The following GINS1 variants were observed in gnomAD, a reference collection of about 807,000 sequenced individuals.
GINS1 encodes DNA replication complex GINS protein PSF1.
GINS1 carries 26 observed loss-of-function variants against 34.9 expected under a neutral mutation model. The observed-to-expected ratio is 0.74, with a 90% confidence interval of 0.55 to 1.03. The LOEUF is 1.03. GINS1 is among the 50% of genes least tolerant of loss of function. The probability of loss-of-function intolerance (pLI) is 0.00; values close to 1 mark genes in which losing one functional copy is unlikely to be tolerated. For synonymous variants in GINS1, 97 were observed against 84.4 expected, an observed-to-expected ratio of 1.15 and a Z score of -0.82; for missense variants, 235 against 237.9, an observed-to-expected ratio of 0.99 and a Z score of 0.08.
rs1303769986 is a variant in GINS1 at position 25,447,241 on chromosome 20, T to A, written c.*1250T>A. 1 of 152,182 alleles carries A rather than the reference T, an allele frequency of 6.6e-6. No individual in the cohort carries two copies. The highest frequency in any genetic ancestry group is 2.1e-4 in the South Asian group (1 of 4,830). The allele number at this position is 152,182 out of a possible 1,614,324, so 9.4% of individuals were successfully genotyped here. ...TTTTAGTAGAGACAGAGTTTTACCATGTTGGCCAGGCTGGTTTCAAACTCC... is the reference window on the plus strand; with the variant it reads ...TTTTAGTAGAGACAGAGTTTTACCAAGTTGGCCAGGCTGGTTTCAAACTCC... On this transcript the variant is annotated 3_prime_UTR_variant, in exon 7 of 7. Transcript: ENST00000262460.
In GINS1 at chr20:25,446,098, A is replaced by G. The variant is rs2090511113; in HGVS notation, c.*107A>G. ...CTCTTTGATTTTAGAAGCTATAGAC[A>G]TTGTTTAAGATAACTAAGAATACTT... On this transcript the variant is annotated 3_prime_UTR_variant, in exon 7 of 7. Coordinates refer to ENST00000262460, the MANE Select transcript of GINS1 (RefSeq NM_021067.5). 6.8e-6 allele frequency: 4 copies of G among 584,150 alleles called. No individual in the cohort carries two copies. The Admixed American group carries it at 1.2e-4, about 18-fold the overall frequency. 36.2% of individuals were successfully genotyped at this position (584,150 alleles called of 1,614,324 possible). A position where few individuals can be genotyped will look rare whatever the true frequency, so the allele number is the denominator to read the frequency against.
chr20:25,425,259 T>A lies in GINS1; in HGVS notation c.379T>A (p.Ser127Thr), dbSNP rs770881919. 1 of 1,570,672 alleles carries A rather than the reference T, an allele frequency of 6.4e-7. No homozygotes were observed. Among genetic ancestry groups the A allele is most frequent in the Non-Finnish European group, 8.8e-7 (1 of 1,140,914 alleles). ...AAGATCTCTTGCTACTTATATGAGG[T>A]CACTGGGAGGAGATGAAGGTTTGGA... is the stretch of plus-strand genomic sequence containing the variant. ...YKRSLATYMRSLGGDEGLDIT... is the reference protein window; with the variant it reads ...YKRSLATYMRTLGGDEGLDIT... The change falls in exon 5 of 7, where the codon TCA becomes ACA. Residue 127 changes from serine (S) to threonine (T), a missense_variant. Transcript: ENST00000262460.
In GINS1 at chr20:25,413,029, CATT is replaced by C. The variant is rs745884679; in HGVS notation, c.76-760_76-758del. Among the ~76,000 whole-genome samples, 8 of 151,176 alleles carry C rather than the reference CATT, an allele frequency of 5.3e-5. No homozygotes were observed. In the East Asian group the frequency reaches 5.8e-4, roughly 11 times the overall value. On this transcript the variant is annotated intron_variant, in intron 1 of 6. Transcript: ENST00000262460. Reference sequence around the variant, plus strand: ...AGTATAACGTATTTCAGATTATCCTCATTGTTGTGTATGTTGTCAGTAGTTCAT... The same window carrying C: ...AGTATAACGTATTTCAGATTATCCTCGTTGTGTATGTTGTCAGTAGTTCAT...
At position 25,428,969 on chromosome 20, in the gene GINS1, C is replaced by CTTTTTTTTT. The variant is rs77113924; in HGVS notation, c.447+3671_447+3679dup. On this transcript the variant is annotated intron_variant, in intron 5 of 6. Transcript: ENST00000262460. Reference sequence around the variant, plus strand: ...GGGTCCTCCACCTTCATTCCTCTCTCTTTTTTTTTTTTTTTTTTTTTTTTT... The same window carrying CTTTTTTTTT: ...GGGTCCTCCACCTTCATTCCTCTCTCTTTTTTTTTTTTTTTTTTTTTTTTTTTTTTTTTT... 2.0e-4 allele frequency among the ~76,000 whole-genome samples: 25 copies of CTTTTTTTTT among 127,504 alleles called. 1 individual carries two copies. Among genetic ancestry groups the CTTTTTTTTT allele is most frequent in the East Asian group, 4.2e-4 (1 of 2,408 alleles). The allele number at this position is 127,504 out of a possible 152,430, so 83.6% of individuals were successfully genotyped here.
At chr20:25,438,936 T>G (rs572049272) in intron 5 of GINS1, among the ~76,000 whole-genome samples, 1 of 152,282 alleles carries the variant, frequency 6.6e-6, no homozygotes, top group East Asian at 1.9e-4. Flanking sequence ...GGGATCCAAC[T>G]CATTTGAAAA....
At chr20:25,429,586 C>T (rs914386005) in intron 5 of GINS1, among the ~76,000 whole-genome samples, 2 of 148,164 alleles carry the variant, frequency 1.3e-5, no homozygotes, top group Non-Finnish European at 2.9e-5. Flanking sequence ...CACTGATAAA[C>T]TGAATTATTT....
rs1359347589 is a variant in GINS1, at chr20:25,441,777, G to A, written c.522+1G>A. 7.0e-7 allele frequency: 1 copy of A among 1,437,318 alleles called. No individual in the cohort carries two copies. 89.0% of individuals were successfully genotyped at this position (1,437,318 alleles called of 1,614,324 possible). A position where few individuals can be genotyped will look rare whatever the true frequency, so the allele number is the denominator to read the frequency against. ...AGTCCTATTAAAAAAAAATAGCCAG[G>A]TATTTCTTATCTTCAGATTCTTTAC... On this transcript the variant is annotated splice_donor_variant, in intron 6 of 6. Coordinates refer to ENST00000262460, the MANE Select transcript of GINS1 (RefSeq NM_021067.5). LOFTEE classifies it high-confidence loss of function.
chr20:25,413,798 A>G lies in GINS1; in HGVS notation c.84A>G (p.Gly28=). Residue 28 remains glycine, a synonymous_variant, in exon 2 of 7, where the codon GGA becomes GGG. Coordinates refer to ENST00000262460, the MANE Select transcript of GINS1 (RefSeq NM_021067.5). ...CGGTTTATATGTTCTAGGAGGATGG[A>G]CTCAGACAAGTTCTGGAGGAGATGA... is the stretch of plus-strand genomic sequence containing the variant. The part of the protein sequence containing the change: ...EGQLPAFNED[G]LRQVLEEMKA... The G allele has an allele frequency of 1.3e-6, 2 of 1,575,498 alleles. No individual in the cohort carries two copies. The highest frequency in any genetic ancestry group is 1.7e-6 in the Non-Finnish European group (2 of 1,144,678).
Position 25,446,197 on chromosome 20 carries a change from T to G in GINS1, c.*206T>G, listed in dbSNP as rs2090511590. 2 of 402,644 alleles carry G rather than the reference T, an allele frequency of 5.0e-6. No individual in the cohort carries two copies. 24.9% of individuals were successfully genotyped at this position (402,644 alleles called of 1,614,324 possible). A position where few individuals can be genotyped will look rare whatever the true frequency, so the allele number is the denominator to read the frequency against. Reference sequence around the variant, plus strand: ...GTTGTACACTATTCTTCCTACTCTTTTTTGGTTTTGGTTTTGTTTTGTAGA... The same window carrying G: ...GTTGTACACTATTCTTCCTACTCTTGTTTGGTTTTGGTTTTGTTTTGTAGA... On this transcript the variant is annotated 3_prime_UTR_variant, in exon 7 of 7. Transcript: ENST00000262460.
At position 25,413,245 on chromosome 20, in the gene GINS1, C is replaced by T. The variant is rs150820879; in HGVS notation, c.76-545C>T. The stretch of plus-strand genomic sequence containing the variant: ...TGTATATTTAGGAGAGACGGGGTTT[C>T]ACCATGTTGACCAGGCTGGTTTTGA... On this transcript the variant is annotated intron_variant, in intron 1 of 6. Coordinates refer to ENST00000262460, the MANE Select transcript of GINS1 (RefSeq NM_021067.5). Among the ~76,000 whole-genome samples, 501 of 152,126 alleles carry T rather than the reference C, an allele frequency of 3.3e-3. 3 individuals carry two copies. The highest frequency in any genetic ancestry group is 0.011 in the African/African-American group (468 of 41,504).
In GINS1 at chr20:25,426,479, G is replaced by A. The variant is rs182432450; in HGVS notation, c.447+1152G>A. On this transcript the variant is annotated intron_variant, in intron 5 of 6. Transcript: ENST00000262460. Reference sequence around the variant, plus strand: ...CTGAGGCAGGATAATCGCTAGAACCGGGGAGAAGGAGGTTGCGGTGAGCTG... The same window carrying A: ...CTGAGGCAGGATAATCGCTAGAACCAGGGAGAAGGAGGTTGCGGTGAGCTG... Among the ~76,000 whole-genome samples the A allele has an allele frequency of 2.0e-4, 30 of 152,088 alleles. No individual in the cohort carries two copies. The South Asian group carries it at 3.3e-3, about 17-fold the overall frequency.
chr20:25,443,628 G>C (rs1397176540), intron 6 of GINS1, among the ~76,000 whole-genome samples: 1 of 151,824 alleles, frequency 6.6e-6, no homozygotes, highest in Non-Finnish European at 1.5e-5. Context: ...ACAGGCGCCT[G>C]CCACCACGCC....
intron 2 of GINS1, among the ~76,000 whole-genome samples, chr20:25,415,852 CAG>C (rs1422391369): frequency 7.2e-5 from 11 of 152,094 alleles, no homozygotes; most frequent in Non-Finnish European, 1.6e-4. Context: ...ATTGAGGAAT[CAG>C]GGAACTTCTC....
intron 4 of GINS1, among the ~76,000 whole-genome samples, chr20:25,420,070 A>T: frequency 6.6e-6 from 1 of 152,138 alleles, no homozygotes; most frequent in East Asian, 1.9e-4. Flanking sequence ...CTTTTCTGTG[A>T]TTACTGAGTT....
intron 4 of GINS1, among the ~76,000 whole-genome samples, chr20:25,422,431 C>A (rs866305248): frequency 4.7e-5 from 7 of 149,450 alleles, no homozygotes; most frequent in Non-Finnish European, 7.4e-5. Flanking sequence ...AAAAAAAAAA[C>A]AAAAAAAAAC....
At chr20:25,428,397 C>CTTTTTTTT (rs544831869) in intron 5 of GINS1, among the ~76,000 whole-genome samples, 29 of 66,578 alleles carry the variant, frequency 4.4e-4, no homozygotes, top group Non-Finnish European at 5.3e-4. Flanking sequence ...AGCATAATTT[C>CTTTTTTTT]TTTTTTTTTT....
chr20:25,426,523 AT>A lies in GINS1; in HGVS notation c.447+1206del, dbSNP rs377685154. On this transcript the variant is annotated intron_variant, in intron 5 of 6. Transcript: ENST00000262460. Reference sequence around the variant, plus strand: ...TGAGCTGAGATTGCACCATTGCACAATTTTTTTTTTCTTTTTTTTGAGATGG... The same window carrying A: ...TGAGCTGAGATTGCACCATTGCACAATTTTTTTTTCTTTTTTTTGAGATGG... Among the ~76,000 whole-genome samples the A allele has an allele frequency of 5.0e-3, 742 of 148,716 alleles. 18 individuals are homozygous for A. In the East Asian group the frequency reaches 0.081, roughly 16 times the overall value.
chr20:25,416,901 T>C (rs2090324050), intron 2 of GINS1, among the ~76,000 whole-genome samples: 1 of 152,240 alleles, frequency 6.6e-6, no homozygotes, highest in South Asian at 2.1e-4. Flanking sequence ...TCTGGTAGCA[T>C]GATCTTAGGC....
At chr20:25,425,348 T>A (rs2090385063) in intron 5 of GINS1, 21 bp downstream of exon 5, 2 of 970,784 alleles carry the variant, frequency 2.1e-6, no homozygotes, top group South Asian at 1.4e-5. Flanking sequence ...CTTTTTAAAA[T>A]GCATTTTTCT....
Sources: allele counts gnomAD v4.1 joint callset (sites outside exome capture counted in the v4.1 genomes callset), GRCh38; gene constraint gnomAD v4.1.1; transcripts MANE v1.5; gene names NCBI Gene and HGNC (gene_info 2026-07-23, HGNC 2026-07-21).